PPP2R2D: variants seen among roughly 807,000 people sequenced by gnomAD.
PPP2R2D encodes the protein serine/threonine-protein phosphatase 2A 55 kDa regulatory subunit B delta isoform.
PPP2R2D carries 9 observed loss-of-function variants against 31.1 expected under a neutral mutation model. The observed-to-expected ratio is 0.29, with a 90% CI of 0.17 to 0.51. The LOEUF (loss-of-function observed/expected upper bound fraction) is 0.51, where lower values mean the gene tolerates loss of function less well. PPP2R2D is among the 20% of genes least tolerant of loss of function. The probability of loss-of-function intolerance (pLI) is 0.98; values close to 1 mark genes in which losing one functional copy is unlikely to be tolerated. For missense variants in PPP2R2D, 391 were observed against 465.6 expected, an observed-to-expected ratio of 0.84 and a Z score of 1.48; for synonymous variants, 179 against 172.6, an observed-to-expected ratio of 1.04 and a Z score of -0.29.
At chr10:131,939,940 T>A (rs1021606980) in intron 3 of PPP2R2D, 91 bp from the exon 4 acceptor site, 1 of 447,500 alleles carries the variant, frequency 2.2e-6, no homozygotes, top group African/African-American at 2.0e-5. Flanking sequence ...TTAAAAAATA[T>A]GTATGGTCAT....
At chr10:131,921,558 G>GACAT (rs1554894254) in intron 2 of PPP2R2D, among the ~76,000 whole-genome samples, 11 of 152,178 alleles carry the variant, frequency 7.2e-5, no homozygotes, top group Non-Finnish European at 1.0e-4. Context: ...AGAACAGGCT[G>GACAT]GGGCAATGGG....
intron 2 of PPP2R2D, among the ~76,000 whole-genome samples, chr10:131,915,467 A>G (rs1283907214): frequency 6.6e-6 from 1 of 152,206 alleles, no homozygotes; most frequent in African/African-American, 2.4e-5. Context: ...ACAACGGTCC[A>G]TCTTGTTTTG....
intron 2 of PPP2R2D, among the ~76,000 whole-genome samples, chr10:131,917,851 TA>T (rs1354043303): frequency 8.6e-6 from 1 of 116,938 alleles, no homozygotes; most frequent in Admixed American, 8.1e-5. Context: ...ACAGTGTTTG[TA>T]GGGACCTCAC....
chr10:131,956,493 C>T lies in PPP2R2D; in HGVS notation c.*530C>T. 2.0e-6 allele frequency: 2 copies of T among 985,464 alleles called. No individual in the cohort carries two copies. Among genetic ancestry groups the T allele is most frequent in the African/African-American group, 1.7e-5 (1 of 57,368 alleles). The allele number at this position is 985,464 out of a possible 1,614,324, so 61.0% of individuals were successfully genotyped here. ...CTCACCCACAGCATCCGCCGCCACC[C>T]CTTCGGGTGTGAGCGCTCAATAAAA... On this transcript the variant is annotated 3_prime_UTR_variant, in exon 9 of 9. Coordinates refer to ENST00000455566, the MANE Select transcript of PPP2R2D (RefSeq NM_018461.5).
chr10:131,919,064 CAG>C, intron 2 of PPP2R2D, among the ~76,000 whole-genome samples: 1 of 122,710 alleles, frequency 8.1e-6, no homozygotes, highest in East Asian at 3.0e-4. Context: ...GTAGGGACCT[CAG>C]GCGGGTGGAG....
At chr10:131,936,496 G>T (rs2036343732) in intron 3 of PPP2R2D, among the ~76,000 whole-genome samples, 2 of 152,332 alleles carry the variant, frequency 1.3e-5, no homozygotes, top group South Asian at 4.1e-4. Context: ...CTTAATGCAA[G>T]ACTTCACTTT....
chr10:131,930,061 G>T lies in PPP2R2D; in HGVS notation c.101-4397G>T, dbSNP rs1034607348. 4.9e-4 allele frequency among the ~76,000 whole-genome samples: 74 copies of T among 152,294 alleles called. 1 individual carries two copies. Among genetic ancestry groups the T allele is most frequent in the Admixed American group, 4.4e-3 (68 of 15,302 alleles). ...CCCACTCCCCACAAAAAAAGAGGTT[G>T]AAAGAGATCTATTGCAAGTTTTTGT... On this transcript the variant is annotated intron_variant, in intron 2 of 8. Coordinates refer to ENST00000455566, the MANE Select transcript of PPP2R2D (RefSeq NM_018461.5).
intron 2 of PPP2R2D, among the ~76,000 whole-genome samples, chr10:131,929,596 AC>A (rs1295881398): frequency 2.0e-5 from 3 of 149,516 alleles, no homozygotes; most frequent in African/African-American, 7.4e-5. Context: ...CTAGCAGGTG[AC>A]CCTCCCTCAT....
chr10:131,953,596 G>T (rs1373897794), intron 8 of PPP2R2D, among the ~76,000 whole-genome samples: 1 of 143,874 alleles, frequency 7.0e-6, no homozygotes, highest in Admixed American at 7.1e-5. Context: ...TGACTTGCGG[G>T]TATGCGGGGG....
chr10:131,933,529 C>T (rs1160352816), intron 2 of PPP2R2D, among the ~76,000 whole-genome samples: 1 of 152,126 alleles, frequency 6.6e-6, no homozygotes, highest in Non-Finnish European at 1.5e-5. Context: ...CGAGGAGTCC[C>T]ACTGTGGCCA....
At position 131,956,232 on chromosome 10, in the gene PPP2R2D, T is replaced by C. The variant is rs2036794868; in HGVS notation, c.*269T>C. On this transcript the variant is annotated 3_prime_UTR_variant, in exon 9 of 9. Transcript: ENST00000455566. ...AAAAGGTCATTACTCAGAATAAATGTATTTATTTCAGTCCGAGCCTTCCTT... is the reference window on the plus strand; with the variant it reads ...AAAAGGTCATTACTCAGAATAAATGCATTTATTTCAGTCCGAGCCTTCCTT... 8.6e-7 allele frequency: 1 copy of C among 1,157,380 alleles called. No homozygotes were observed. The highest frequency in any genetic ancestry group is 4.4e-5 in the South Asian group (1 of 22,872). 71.7% of individuals were successfully genotyped at this position (1,157,380 alleles called of 1,614,324 possible).
chr10:131,911,315 A>C lies in PPP2R2D; in HGVS notation c.100+9985A>C, dbSNP rs913742767. ...AGGTCCCCACACCTCTGGTGTCCTA[A>C]GTGTGCTGTGAGGATGTGATGGGAG... On this transcript the variant is annotated intron_variant, in intron 2 of 8. Transcript: ENST00000455566. Among the ~76,000 whole-genome samples the C allele has an allele frequency of 7.9e-5, 12 of 152,268 alleles. No individual in the cohort carries two copies. The East Asian group carries it at 1.9e-3, about 25-fold the overall frequency.
intron 2 of PPP2R2D, among the ~76,000 whole-genome samples, chr10:131,929,774 G>C (rs2036181857): frequency 6.6e-6 from 1 of 152,122 alleles, no homozygotes; most frequent in African/African-American, 2.4e-5. Context: ...ATGTTTTACA[G>C]ATCCCACTGA....
chr10:131,971,111 A>G, the PPP2R2D span: 1 of 767,622 alleles, frequency 1.3e-6, no homozygotes, highest in South Asian at 1.7e-5. Context: ...CCGTGGTCCA[A>G]GGGGAGTCCT....
intron 2 of PPP2R2D, among the ~76,000 whole-genome samples, chr10:131,907,466 C>T (rs1024106283): frequency 2.6e-5 from 4 of 152,100 alleles, no homozygotes; most frequent in Non-Finnish European, 4.4e-5. Flanking sequence ...ACTCGCCGGG[C>T]GCAGTGGTTC....
At chr10:131,911,845 G>T (rs1173354805) in intron 2 of PPP2R2D, 2 of 152,198 alleles carry the variant, frequency 1.3e-5, no homozygotes, top group African/African-American at 4.8e-5. Flanking sequence ...AGGATTAACT[G>T]TTCCTTCTCA....
At chr10:131,971,025 A>G in the PPP2R2D span, 1 of 1,520,442 alleles carries the variant, frequency 6.6e-7, no homozygotes, top group African/African-American at 1.4e-5. Context: ...GACACGGGAA[A>G]GCACCCAGCT....
rs147721185 is a variant in PPP2R2D, at chr10:131,938,087, C to T, written c.199-1944C>T. 2.8e-3 allele frequency among the ~76,000 whole-genome samples: 420 copies of T among 147,490 alleles called. 1 individual carries two copies. Among genetic ancestry groups the T allele is most frequent in the Non-Finnish European group, 5.2e-3 (346 of 66,736 alleles). ...CTGCACGTCAGACTCAGTGCAGCGA[C>T]GCGGGGCAGGCGAGGCGCTCAGCTT... is the stretch of plus-strand genomic sequence containing the variant. On this transcript the variant is annotated intron_variant, in intron 3 of 8. Coordinates refer to ENST00000455566, the MANE Select transcript of PPP2R2D (RefSeq NM_018461.5).
Position 131,944,005 on chromosome 10 carries a change from C to A in PPP2R2D, c.515C>A (p.Ala172Glu). ...AAGCCCATGGATCTTATGGTAGAAGCGAGTCCACGGCGAATTTTTGCAAAT... is the reference window on the plus strand; with the variant it reads ...AAGCCCATGGATCTTATGGTAGAAGAGAGTCCACGGCGAATTTTTGCAAAT... Reference protein sequence around the residue: ...ILKPMDLMVEASPRRIFANAH... With the variant: ...ILKPMDLMVEESPRRIFANAH... The change falls in exon 6 of 9, where the codon GCG becomes GAG. Residue 172 changes from alanine (A) to glutamate (E), a missense_variant. Around this residue, in one of 3 missense-constraint regions of PPP2R2D, gnomAD observed 105 missense variants for 98.5 expected, o/e 1.07. Transcript: ENST00000455566. 1 of 1,211,312 alleles carries A rather than the reference C, an allele frequency of 8.3e-7. No homozygotes were observed. Among genetic ancestry groups the A allele is most frequent in the Non-Finnish European group, 1.2e-6 (1 of 812,744 alleles). The allele number at this position is 1,211,312 out of a possible 1,614,324, so 75.0% of individuals were successfully genotyped here. A position where few individuals can be genotyped will look rare whatever the true frequency, so the allele number is the denominator to read the frequency against.
Sources: gnomAD v4.1 joint callset for allele counts (sites outside exome capture counted in the v4.1 genomes callset) on GRCh38, gnomAD v4.1.1 for gene constraint, gnomAD v4.1.1 regional missense constraint, MANE v1.5 for transcripts, NCBI Gene and HGNC (gene_info 2026-07-23, HGNC 2026-07-21) for gene names.